ATP5F1B: variants seen among roughly 807,000 people sequenced by gnomAD.
The protein encoded by ATP5F1B is ATP synthase F(1) complex subunit beta, mitochondrial.
Under a neutral mutation model 45.9 loss-of-function variants are expected in ATP5F1B, and 17 were observed. That is an observed-to-expected ratio of 0.37 (90% CI 0.25 to 0.56). The LOEUF (loss-of-function observed/expected upper bound fraction) is 0.56, where lower values mean the gene tolerates loss of function less well. Among genes scored for constraint, ATP5F1B ranks in the 20% least tolerant of loss-of-function variants. The pLI, the probability that ATP5F1B is intolerant of heterozygous loss-of-function variation, is 0.80. For synonymous variants in ATP5F1B, 218 were observed against 256.5 expected (o/e 0.85, Z 1.43); for missense variants, 387 against 673.2 (o/e 0.57, Z 4.70).
chr12:56,641,349 G>A (rs1490313286), intron 7 of ATP5F1B, among the ~76,000 whole-genome samples: 1 of 143,150 alleles, frequency 7.0e-6, no homozygotes, highest in Admixed American at 7.1e-5. Context: ...GGCAATAAGA[G>A]TGAAACTCCG....
chr12:56,645,129 G>T, intron 2 of ATP5F1B, 42 bp downstream of exon 2: 1 of 1,612,654 alleles, frequency 6.2e-7, no homozygotes, highest in East Asian at 2.2e-5. Flanking sequence ...GGGATATTTG[G>T]GCTACACAAG....
At chr12:56,644,493 C>T (rs1185136679) in intron 3 of ATP5F1B, among the ~76,000 whole-genome samples, 2 of 152,008 alleles carry the variant, frequency 1.3e-5, no homozygotes, top group Non-Finnish European at 2.9e-5. Flanking sequence ...CACCTGTAAT[C>T]CCAGCTACTC....
intron 9 of ATP5F1B, 24 bp downstream of exon 9, chr12:56,639,082 C>G: frequency 6.2e-7 from 1 of 1,608,200 alleles, no homozygotes; most frequent in Non-Finnish European, 8.5e-7. Flanking sequence ...AGTAAACATT[C>G]AAGATTTGTA....
intron 5 of ATP5F1B, 153 bp from the exon 6 acceptor site, chr12:56,642,984 TC>T: frequency 1.3e-6 from 1 of 767,354 alleles, no homozygotes. Flanking sequence ...GAGATGCAGT[TC>T]AAAAAAAAAA....
chr12:56,642,911 C>G, intron 5 of ATP5F1B, 80 bp from the exon 6 acceptor site: 1 of 1,481,922 alleles, frequency 6.7e-7, no homozygotes, highest in Non-Finnish European at 9.2e-7. Flanking sequence ...ATCGGAGAAA[C>G]GACCACAGAT....
At position 56,645,232 on chromosome 12, in the gene ATP5F1B, T is replaced by C; in HGVS notation, c.249A>G (p.Leu83=). The change falls in exon 2 of 10, where the codon CTA becomes CTG. Residue 83 remains leucine (L), a synonymous_variant. Transcript: ENST00000262030. ...VQFDEGLPPI[L]NALEVQGRET... is the part of the protein sequence containing the mutation. Reference sequence around the variant, plus strand: ...CCCTGCCTTGCACTTCCAGGGCATTTAGAATTGGTGGTAGTCCCTCATCAA... The same window carrying C: ...CCCTGCCTTGCACTTCCAGGGCATTCAGAATTGGTGGTAGTCCCTCATCAA... 1 of 1,614,230 alleles carries C rather than the reference T, an allele frequency of 6.2e-7. No individual in the cohort carries two copies. Among genetic ancestry groups the C allele is most frequent in the South Asian group, 1.1e-5 (1 of 91,090 alleles).
chr12:56,645,282 T>C lies in ATP5F1B; in HGVS notation c.199A>G (p.Ile67Val), dbSNP rs751399315. ...GAATGRIVAV[I>V]GAVVDVQFDE... ...AACTGGACGTCCACCACTGCGCCAA[T>C]GACCGCCACGATGCGCCCGGTGGCG... The change falls in exon 2 of 10, where the codon ATT becomes GTT. Residue 67 changes from isoleucine to valine, a missense_variant. By Grantham distance (29) the Ile-to-Val change is conservative. Around this residue, in one of 6 missense-constraint regions of ATP5F1B, gnomAD observed 113 missense variants for 168.0 expected, o/e 0.67. Coordinates refer to ENST00000262030, the MANE Select transcript of ATP5F1B (RefSeq NM_001686.4). 21 of 1,614,218 alleles carry C rather than the reference T, an allele frequency of 1.3e-5. No individual in the cohort carries two copies. Among genetic ancestry groups the C allele is most frequent in the Non-Finnish European group, 1.8e-5 (21 of 1,180,034 alleles).
chr12:56,638,694 G>A (rs939407604), intron 9 of ATP5F1B, among the ~76,000 whole-genome samples: 1 of 152,180 alleles, frequency 6.6e-6, no homozygotes, highest in African/African-American at 2.4e-5. Flanking sequence ...TCAGGAGTTC[G>A]AGACAAGCCC....
rs1333838461 is a variant in ATP5F1B, at chr12:56,643,504, A to C, written c.691T>G (p.Ser231Ala). The C allele has an allele frequency of 6.2e-7, 1 of 1,614,178 alleles. No homozygotes were observed. Among genetic ancestry groups the C allele is most frequent in the South Asian group, 1.1e-5 (1 of 91,086 alleles). ...NNVAKAHGGY[S>A]VFAGVGERTR... ...CTCTCACCAACACCAGCAAACACAG[A>C]GTAACCACCATGGGCTTTGGCGACA... is the stretch of plus-strand genomic sequence containing the variant. Residue 231 changes from serine to alanine, a missense_variant, in exon 5 of 10, where the codon TCT becomes GCT. Ser to Ala is a moderately conservative substitution (Grantham distance 99). Coordinates refer to ENST00000262030, the MANE Select transcript of ATP5F1B (RefSeq NM_001686.4).
chr12:56,638,678 C>G (rs941364554), intron 9 of ATP5F1B, among the ~76,000 whole-genome samples: 1 of 152,118 alleles, frequency 6.6e-6, no homozygotes, highest in South Asian at 2.1e-4. Context: ...GGCGGATCAC[C>G]TAAGGTCAGG....
chr12:56,645,976 G>T lies in ATP5F1B; in HGVS notation c.-13C>A, dbSNP rs530583169. The T allele has an allele frequency of 2.5e-6, 4 of 1,592,386 alleles. 1 individual carries two copies. The highest frequency in any genetic ancestry group is 2.3e-5 in the South Asian group (2 of 88,420). ...CAAACCCCAACATGGCGTAGTCCGG[G>T]TGGAGACTGAAGGCTGCAGCAACCG... is the stretch of plus-strand genomic sequence containing the variant. On this transcript the variant is annotated 5_prime_UTR_variant, in exon 1 of 10. Transcript: ENST00000262030.
chr12:56,642,898 C>T, intron 5 of ATP5F1B, 67 bp from the exon 6 acceptor site: 1 of 1,545,226 alleles, frequency 6.5e-7, no homozygotes, highest in Non-Finnish European at 8.8e-7. Flanking sequence ...TGAAGGTTCC[C>T]AAATCGGAGA....
rs748328946 is a variant in ATP5F1B, at chr12:56,643,384, C to G, written c.792+19G>C. The G allele has an allele frequency of 3.7e-6, 6 of 1,604,010 alleles. No homozygotes were observed. Among genetic ancestry groups the G allele is most frequent in the Admixed American group, 3.4e-5 (2 of 59,674 alleles). ...CCTGGCGTAACTACCACGTGGACAT[C>G]AATTAGCTCAATGCTTACCTTAGAG... is the stretch of plus-strand genomic sequence containing the variant. On this transcript the variant is annotated intron_variant, in intron 5 of 9. Transcript: ENST00000262030.
At chr12:56,643,290 A>G (rs1951525852) in intron 5 of ATP5F1B, 113 bp downstream of exon 5, 7 of 1,017,962 alleles carry the variant, frequency 6.9e-6, no homozygotes, top group South Asian at 4.7e-5. Context: ...TGAAAATATT[A>G]ACATTTTCTT....
At position 56,645,324 on chromosome 12, in the gene ATP5F1B, AAGG is replaced by A. The variant is rs778726632; in HGVS notation, c.154_156del (p.Pro52del). 37 of 1,614,110 alleles carry A rather than the reference AAGG, an allele frequency of 2.3e-5. No individual in the cohort carries two copies. In the Admixed American group the frequency reaches 5.3e-4, roughly 23 times the overall value. On this transcript the variant is annotated inframe_deletion, in exon 2 of 10. Coordinates refer to ENST00000262030, the MANE Select transcript of ATP5F1B (RefSeq NM_001686.4). ...CCGGTGGCGGCGCCTGCTTTTGGCGAAGGAGATGTTTGCGCCGCATAGTCCCTG... is the reference window on the plus strand; with the variant it reads ...CCGGTGGCGGCGCCTGCTTTTGGCGAAGATGTTTGCGCCGCATAGTCCCTG...
rs1346414087 is a variant in ATP5F1B at position 56,642,799 on chromosome 12, T to G, written c.825A>C (p.Pro275=). 1 of 1,614,120 alleles carries G rather than the reference T, an allele frequency of 6.2e-7. No homozygotes were observed. The highest frequency in any genetic ancestry group is 2.2e-5 in the East Asian group (1 of 44,878). Residue 275 remains proline (P), a synonymous_variant, in exon 6 of 10, where the codon CCA becomes CCC. Transcript: ENST00000262030. ...VALVYGQMNE[P]PGARARVALT... is the part of the protein sequence containing the mutation. Reference sequence around the variant, plus strand: ...GAGCTACCCGGGCACGAGCACCAGGTGGTTCATTCATTTGACCATATACCA... The same window carrying G: ...GAGCTACCCGGGCACGAGCACCAGGGGGTTCATTCATTTGACCATATACCA...
chr12:56,645,712 G>A, intron 1 of ATP5F1B, 125 bp downstream of exon 1: 1 of 1,489,000 alleles, frequency 6.7e-7, no homozygotes, highest in Non-Finnish European at 9.2e-7. Context: ...CCATTAGAGA[G>A]CAAGACGCGG....
At position 56,638,301 on chromosome 12, in the gene ATP5F1B, C is replaced by G. The variant is rs1951485840; in HGVS notation, c.*22G>C. The G allele has an allele frequency of 1.3e-6, 2 of 1,599,614 alleles. No individual in the cohort carries two copies. The highest frequency in any genetic ancestry group is 2.7e-5 in the African/African-American group (2 of 74,496). On this transcript the variant is annotated 3_prime_UTR_variant, in exon 10 of 10. Transcript: ENST00000262030. ...TTTGGGTTAGGGGCAAGGAGAGAGA[C>G]AGTACAGAGGACAAAGACCCCTCAC... is the stretch of plus-strand genomic sequence containing the variant.
chr12:56,640,792 A>C (rs750579588), intron 7 of ATP5F1B, among the ~76,000 whole-genome samples: 14 of 150,936 alleles, frequency 9.3e-5, no homozygotes, highest in Non-Finnish European at 2.1e-4. Context: ...CATGCCTATA[A>C]TCCCAGCACT....
Sources: allele counts gnomAD v4.1 joint callset (sites outside exome capture counted in the v4.1 genomes callset), GRCh38; gene constraint gnomAD v4.1.1; regional missense constraint gnomAD v4.1.1; transcripts MANE v1.5; gene names NCBI Gene and HGNC (gene_info 2026-07-23, HGNC 2026-07-21).